Variants in SLC10A7 observed in about 807,000 individuals in gnomAD.
SLC10A7 encodes sodium/bile acid cotransporter 7.
In SLC10A7, 29 loss-of-function variants were observed where a neutral mutation model predicts 43.2. The ratio of observed to expected loss-of-function variants is 0.67; its 90% CI spans 0.50 to 0.92. The LOEUF is 0.92. Ranked by LOEUF, SLC10A7 falls within the 40% of genes least tolerant of loss-of-function variation. The pLI, the probability that SLC10A7 is intolerant of heterozygous loss-of-function variation, is 0.00. For missense variants in SLC10A7, 295 were observed against 403.2 expected, an observed-to-expected ratio of 0.73 and a Z score of 2.30; for synonymous variants, 152 against 144.8, an observed-to-expected ratio of 1.05 and a Z score of -0.35.
At chr4:146,504,026 G>C in intron 3 of SLC10A7, 102 bp from the exon 4 acceptor site, 1 of 1,003,276 alleles carries the variant, frequency 1.0e-6, no homozygotes, top group Non-Finnish European at 1.5e-6. Flanking sequence ...TGAATATAAG[G>C]GCATATTTAT....
chr4:146,366,031 G>T (rs867338783), intron 5 of SLC10A7, among the ~76,000 whole-genome samples: 8 of 152,160 alleles, frequency 5.3e-5, no homozygotes, highest in Admixed American at 5.2e-4. Context: ...CTCCTTATGA[G>T]AATCTAATGC....
intron 5 of SLC10A7, among the ~76,000 whole-genome samples, chr4:146,358,363 T>A (rs527275914): frequency 6.6e-6 from 1 of 152,222 alleles, no homozygotes; most frequent in East Asian, 1.9e-4. Flanking sequence ...GAAACTGAAG[T>A]TTTGGCATTA....
chr4:146,258,136 T>C (rs940231531), intron 11 of SLC10A7, among the ~76,000 whole-genome samples: 2 of 152,268 alleles, frequency 1.3e-5, no homozygotes, highest in Non-Finnish European at 2.9e-5. Flanking sequence ...CACAAATATC[T>C]AATGTGTACA....
chr4:146,338,283 T>C (rs997487003), intron 5 of SLC10A7, among the ~76,000 whole-genome samples: 1 of 152,028 alleles, frequency 6.6e-6, no homozygotes, highest in African/African-American at 2.4e-5. Context: ...GCCTACTGTG[T>C]ATATGTCAGC....
intron 5 of SLC10A7, among the ~76,000 whole-genome samples, chr4:146,424,883 C>T (rs1245539145): frequency 6.6e-6 from 1 of 151,872 alleles, no homozygotes; most frequent in Non-Finnish European, 1.5e-5. Context: ...ATTAATTTGT[C>T]AGAACAGTAT....
chr4:146,368,500 A>C (rs1199952119), intron 5 of SLC10A7, among the ~76,000 whole-genome samples: 1 of 152,362 alleles, frequency 6.6e-6, no homozygotes, highest in East Asian at 1.9e-4. Context: ...TTGACATTAA[A>C]TTAGCAAGTT....
At chr4:146,468,252 T>C (rs1390263848) in intron 4 of SLC10A7, among the ~76,000 whole-genome samples, 1 of 152,170 alleles carries the variant, frequency 6.6e-6, no homozygotes, top group Non-Finnish European at 1.5e-5. Flanking sequence ...TTAGCTATTA[T>C]TAACTATATC....
At chr4:146,472,637 C>T (rs1733675284) in intron 4 of SLC10A7, among the ~76,000 whole-genome samples, 1 of 152,114 alleles carries the variant, frequency 6.6e-6, no homozygotes, top group Non-Finnish European at 1.5e-5. Context: ...GGTAGGCCTC[C>T]TGTGCAGACC....
rs184236754 is a variant in SLC10A7 at position 146,360,441 on chromosome 4, T to G, written c.436-34445A>C. 1.3e-4 allele frequency among the ~76,000 whole-genome samples: 20 copies of G among 152,268 alleles called. No homozygotes were observed. In the East Asian group the frequency reaches 3.9e-3, roughly 29 times the overall value. ...TATATTCCTCTTTCCTTTCTTCTTC[T>G]TCTTTTTTTTAATCTCTGAGACAGG... On this transcript the variant is annotated intron_variant, in intron 5 of 11. Transcript: ENST00000335472.
chr4:146,335,118 T>C (rs1298037775), intron 5 of SLC10A7, among the ~76,000 whole-genome samples: 1 of 151,928 alleles, frequency 6.6e-6, no homozygotes, highest in Non-Finnish European at 1.5e-5. Context: ...ATGTCAGTGT[T>C]TGGGGATCCT....
At chr4:146,445,762 G>A (rs1730997443) in intron 4 of SLC10A7, among the ~76,000 whole-genome samples, 1 of 152,058 alleles carries the variant, frequency 6.6e-6, no homozygotes, top group Admixed American at 6.6e-5. Context: ...GAAACGGGGT[G>A]GAATGGGACG....
rs536395178 is a variant in SLC10A7 at position 146,482,469 on chromosome 4, A to G, written c.396+21380T>C. On this transcript the variant is annotated intron_variant, in intron 4 of 11. Transcript: ENST00000335472. ...ATCTTGAAGCTGAAGACTTCAATCAATAAAATAAAAAATGAAATATAGAGC... is the reference window on the plus strand; with the variant it reads ...ATCTTGAAGCTGAAGACTTCAATCAGTAAAATAAAAAATGAAATATAGAGC... Among the ~76,000 whole-genome samples the G allele has an allele frequency of 2.6e-5, 4 of 152,254 alleles. No homozygotes were observed. The East Asian group carries it at 7.7e-4, about 29-fold the overall frequency.
chr4:146,405,818 GTT>G (rs536750473), intron 5 of SLC10A7, among the ~76,000 whole-genome samples: 1 of 146,506 alleles, frequency 6.8e-6, no homozygotes. Flanking sequence ...AGAAGGAAGA[GTT>G]TTTTTTTTTT....
At position 146,408,223 on chromosome 4, in the gene SLC10A7, C is replaced by T. The variant is rs138061000; in HGVS notation, c.435+34560G>A. On this transcript the variant is annotated intron_variant, in intron 5 of 11. Transcript: ENST00000335472. ...GCCTAAAACCTCAACAGCCATCTCA[C>T]TACCATGAAGTAACAAAGCATGAGG... 4.9e-3 allele frequency among the ~76,000 whole-genome samples: 743 copies of T among 152,254 alleles called. 7 individuals carry two copies. The highest frequency in any genetic ancestry group is 0.017 in the African/African-American group (717 of 41,546).
intron 5 of SLC10A7, among the ~76,000 whole-genome samples, chr4:146,402,027 T>G (rs1377703147): frequency 6.6e-6 from 1 of 152,148 alleles, no homozygotes; most frequent in African/African-American, 2.4e-5. Flanking sequence ...AATTATTATC[T>G]TCATACCTAA....
intron 4 of SLC10A7, among the ~76,000 whole-genome samples, chr4:146,444,883 C>T (rs1023316982): frequency 3.3e-5 from 5 of 151,994 alleles, no homozygotes; most frequent in Admixed American, 6.5e-5. Flanking sequence ...CAACAGCAAC[C>T]GATAATTAAG....
At chr4:146,427,978 C>G (rs1269077327) in intron 5 of SLC10A7, among the ~76,000 whole-genome samples, 1 of 151,910 alleles carries the variant, frequency 6.6e-6, no homozygotes, top group Non-Finnish European at 1.5e-5. Context: ...CAAGAACCAG[C>G]CTTGGCAACA....
chr4:146,418,718 T>A lies in SLC10A7; in HGVS notation c.435+24065A>T, dbSNP rs534374792. Among the ~76,000 whole-genome samples, 6 of 152,202 alleles carry A rather than the reference T, an allele frequency of 3.9e-5. No homozygotes were observed. The South Asian group carries it at 1.0e-3, about 26-fold the overall frequency. Reference sequence around the variant, plus strand: ...AGTGTTTCCCCACACACCAAGCAATTCTCCAACTGGATGTGCTCTAATTCA... The same window carrying A: ...AGTGTTTCCCCACACACCAAGCAATACTCCAACTGGATGTGCTCTAATTCA... On this transcript the variant is annotated intron_variant, in intron 5 of 11. Transcript: ENST00000335472.
At chr4:146,371,638 T>A (rs1736788049) in intron 5 of SLC10A7, among the ~76,000 whole-genome samples, 1 of 152,200 alleles carries the variant, frequency 6.6e-6, no homozygotes, top group Admixed American at 6.5e-5. Context: ...GGCATCATGG[T>A]TCTGCTGCCT....
Sources: allele counts gnomAD v4.1 joint callset (sites outside exome capture counted in the v4.1 genomes callset), GRCh38; gene constraint gnomAD v4.1.1; transcripts MANE v1.5; gene names NCBI Gene and HGNC (gene_info 2026-07-23, HGNC 2026-07-21).